Variants in PDP1 observed in about 807,000 individuals in gnomAD.
The protein encoded by PDP1 is pyruvate dehyrogenase phosphatase catalytic subunit 1.
In PDP1, 14 loss-of-function variants were observed where a neutral mutation model predicts 37.1. The ratio of observed to expected loss-of-function variants is 0.38; its 90% CI spans 0.25 to 0.59. The LOEUF is 0.59. Ranked by LOEUF, PDP1 falls within the 20% of genes least tolerant of loss-of-function variation. PDP1 has a pLI of 0.67. For synonymous variants in PDP1, 251 were observed against 243.3 expected (o/e 1.03, Z -0.29); for missense variants, 544 against 655.3 (o/e 0.83, Z 1.85).
intron 1 of PDP1, chr8:93,921,376 A>G (rs1810264113): frequency 1.0e-6 from 1 of 972,122 alleles, no homozygotes; most frequent in Admixed American, 6.1e-5. Flanking sequence ...ACAGGAGAGA[A>G]ATACTGGAAT....
intron 1 of PDP1, chr8:93,920,552 A>G: frequency 1.1e-6 from 1 of 929,582 alleles, no homozygotes; most frequent in South Asian, 5.0e-5. Flanking sequence ...CAAATTATCT[A>G]GATTAATGAT....
chr8:93,917,815 G>T, intron 1 of PDP1: 1 of 1,601,950 alleles, frequency 6.2e-7, no homozygotes, highest in South Asian at 1.1e-5. Context: ...CTCCTCTAAT[G>T]AGCATCTCTG....
rs750976092 is a variant in PDP1 at position 93,923,719 on chromosome 8, G to T, written c.*46G>T. 1 of 1,464,188 alleles carries T rather than the reference G, an allele frequency of 6.8e-7. No homozygotes were observed. The highest frequency in any genetic ancestry group is 1.4e-5 in the African/African-American group (1 of 72,078). The allele number at this position is 1,464,188 out of a possible 1,614,324, so 90.7% of individuals were successfully genotyped here. A position where few individuals can be genotyped will look rare whatever the true frequency, so the allele number is the denominator to read the frequency against. On this transcript the variant is annotated 3_prime_UTR_variant, in exon 2 of 2. Transcript: ENST00000297598. This position sits in a 1 kb window ranked among gnomAD's most constrained non-coding sequence, Gnocchi z 4.3. Reference sequence around the variant, plus strand: ...AATTCTCAAATGATATACATTTAAAGGGCAGATTTTTTAAAAAGATACTAC... The same window carrying T: ...AATTCTCAAATGATATACATTTAAATGGCAGATTTTTTAAAAAGATACTAC...
At chr8:93,917,858 T>C in intron 1 of PDP1, 1 of 1,613,720 alleles carries the variant, frequency 6.2e-7, no homozygotes, top group Non-Finnish European at 8.5e-7. Context: ...CTGCTGTCGC[T>C]GCTGCTGCCC....
At chr8:93,917,145 G>A in intron 1 of PDP1, 66 bp downstream of exon 1, 1 of 432,080 alleles carries the variant, frequency 2.3e-6, no homozygotes, top group African/African-American at 2.2e-5. Context: ...CCAAAGTTGT[G>A]AGGGGGCGCC....
chr8:93,921,825 T>C (rs1171185330), intron 1 of PDP1, 191 bp from the exon 2 acceptor site: 5 of 516,988 alleles, frequency 9.7e-6, no homozygotes, highest in Non-Finnish European at 1.7e-5. Context: ...CCACGAATGA[T>C]TGGGAGTTGT....
At position 93,916,940 on chromosome 8, in the gene PDP1, G is replaced by A. The variant is rs755268904; in HGVS notation, c.-184G>A. 4.8e-6 allele frequency: 2 copies of A among 412,668 alleles called. No homozygotes were observed. The highest frequency in any genetic ancestry group is 1.2e-4 in the East Asian group (1 of 8,362). The allele number at this position is 412,668 out of a possible 1,614,324, so 25.6% of individuals were successfully genotyped here. On this transcript the variant is annotated 5_prime_UTR_variant, in exon 1 of 2. Coordinates refer to ENST00000297598, the MANE Select transcript of PDP1 (RefSeq NM_018444.4). ...GGCAGGGTGGCGGCCCCGCACGGTA[G>A]GGGAGCAGAGTGGGCAGGCCGGGGG...
intron 1 of PDP1, chr8:93,917,347 C>T (rs1483427995): frequency 2.0e-5 from 3 of 152,544 alleles, no homozygotes; most frequent in Non-Finnish European, 4.4e-5. Flanking sequence ...GCTGTCAGCA[C>T]GAAGGGCGCC....
intron 1 of PDP1, chr8:93,920,582 A>G: frequency 2.1e-6 from 2 of 956,842 alleles, no homozygotes; most frequent in Non-Finnish European, 2.5e-6. Context: ...AAATTTCCCA[A>G]ATAAATGCCC....
rs1586158506 is a variant in PDP1, at chr8:93,923,769, A to G, written c.*96A>G. On this transcript the variant is annotated 3_prime_UTR_variant, in exon 2 of 2. Transcript: ENST00000297598. The surrounding 1 kb of genome is among the most constrained non-coding windows in gnomAD (Gnocchi z 4.3). ...CTATAATAAACATTTCCAGTTGGTC[A>G]TTCTAAGCATTTACCCTTTTGATAC... 1 of 1,037,920 alleles carries G rather than the reference A, an allele frequency of 9.6e-7. No individual in the cohort carries two copies. Among genetic ancestry groups the G allele is most frequent in the Non-Finnish European group, 1.5e-6 (1 of 662,488 alleles). The allele number at this position is 1,037,920 out of a possible 1,614,324, so 64.3% of individuals were successfully genotyped here. A position where few individuals can be genotyped will look rare whatever the true frequency, so the allele number is the denominator to read the frequency against.
intron 1 of PDP1, chr8:93,917,660 C>G (rs908480276): frequency 5.6e-6 from 4 of 716,776 alleles, no homozygotes; most frequent in Non-Finnish European, 9.0e-6. Flanking sequence ...TTTGCCTCCC[C>G]GGCGGGGTGG....
chr8:93,919,143 CG>C (rs1393615466), intron 1 of PDP1: 7 of 981,020 alleles, frequency 7.1e-6, no homozygotes, highest in Non-Finnish European at 8.5e-6. Context: ...GATGTTTGAA[CG>C]TAAGTATTGT....
At position 93,924,827 on chromosome 8, in the gene PDP1, T is replaced by C. The variant is rs1301485300; in HGVS notation, c.*1154T>C. 1 of 167,108 alleles carries C rather than the reference T, an allele frequency of 6.0e-6. No homozygotes were observed. The highest frequency in any genetic ancestry group is 2.4e-5 in the African/African-American group (1 of 41,468). 10.4% of individuals were successfully genotyped at this position (167,108 alleles called of 1,614,324 possible). On this transcript the variant is annotated 3_prime_UTR_variant, in exon 2 of 2. Coordinates refer to ENST00000297598, the MANE Select transcript of PDP1 (RefSeq NM_018444.4). ...TACATGAGAAACTTTAAAAGGTAAC[T>C]ACTGTGCATGCCTGATGCTTAATAG...
At chr8:93,921,736 A>G (rs922982652) in intron 1 of PDP1, 2 of 326,750 alleles carry the variant, frequency 6.1e-6, no homozygotes, top group Admixed American at 4.5e-5. Flanking sequence ...CATTCTGCAC[A>G]GTTTGTACTG....
chr8:93,917,843 C>T (rs780936602), intron 1 of PDP1: 5 of 1,613,102 alleles, frequency 3.1e-6, no homozygotes, highest in African/African-American at 1.3e-5. Context: ...TTCAATGGGC[C>T]GGTGCTGCTG....
chr8:93,918,835 A>G (rs1182092843), intron 1 of PDP1: 1 of 152,246 alleles, frequency 6.6e-6, no homozygotes, highest in African/African-American at 2.4e-5. Context: ...CTTATTTATG[A>G]AAGCATTTGA....
chr8:93,920,352 G>A (rs1256264701), intron 1 of PDP1, among the ~76,000 whole-genome samples: 3 of 152,216 alleles, frequency 2.0e-5, no homozygotes, highest in East Asian at 1.9e-4. Flanking sequence ...TTGTTTAGCC[G>A]TGGGAAGGAA....
Position 93,923,438 on chromosome 8 carries a change from G to T in PDP1, c.1379G>T (p.Gly460Val). 2 of 1,597,458 alleles carry T rather than the reference G, an allele frequency of 1.3e-6. No homozygotes were observed. The highest frequency in any genetic ancestry group is 1.7e-6 in the Non-Finnish European group (2 of 1,169,736). Residue 460 changes from glycine (G) to valine (V), a missense_variant, in exon 2 of 2, where the codon GGC becomes GTC. Physicochemically the swap from Gly to Val is moderately radical, Grantham distance 109 (BLOSUM62 -3). This residue lies in a region of PDP1 where 159 missense variants were observed against 165.5 expected (regional missense o/e 0.96). Transcript: ENST00000297598. The surrounding 1 kb of genome is among the most constrained non-coding windows in gnomAD (Gnocchi z 4.3). ...AAGGTGACTCTGGGACAGATGCATG[G>T]CCTTTTAACAGAAAGGAGAACCAAA... Reference protein sequence around the residue: ...GYKVTLGQMHGLLTERRTKMS... With the variant: ...GYKVTLGQMHVLLTERRTKMS...
intron 1 of PDP1, among the ~76,000 whole-genome samples, chr8:93,919,661 G>A (rs1810203872): frequency 6.6e-6 from 1 of 150,622 alleles, no homozygotes; most frequent in African/African-American, 2.5e-5. Context: ...TTCCATACAG[G>A]CACATTTTCA....
Sources: allele counts gnomAD v4.1 joint callset (sites outside exome capture counted in the v4.1 genomes callset), GRCh38; gene constraint gnomAD v4.1.1; regional missense constraint gnomAD v4.1.1; non-coding constraint Gnocchi (gnomAD v3.1); transcripts MANE v1.5; gene names NCBI Gene and HGNC (gene_info 2026-07-23, HGNC 2026-07-21).